The following BMPR1B variants were observed in gnomAD, a reference collection of about 807,000 sequenced individuals.
BMPR1B encodes the protein bone morphogenetic protein receptor type 1B.
Under a neutral mutation model 59.1 loss-of-function variants are expected in BMPR1B, and 12 were observed. That is an observed-to-expected ratio of 0.20 (90% confidence interval 0.13 to 0.33). The LOEUF is 0.33. BMPR1B is among the 10% of genes least tolerant of loss of function. The pLI is 1.00. For missense variants in BMPR1B, 550 were observed against 610.9 expected, an observed-to-expected ratio of 0.90 and a Z score of 1.05; for synonymous variants, 237 against 207.3, an observed-to-expected ratio of 1.14 and a Z score of -1.23.
At chr4:94,792,518 G>T (rs1340465960) in intron 1 of BMPR1B, among the ~76,000 whole-genome samples, 7 of 151,388 alleles carry the variant, frequency 4.6e-5, no homozygotes, top group African/African-American at 1.7e-4. Flanking sequence ...GCTTTTTTTA[G>T]TACTTTGATT....
chr4:95,011,319 A>G (rs1420578711), intron 3 of BMPR1B, among the ~76,000 whole-genome samples: 1 of 152,180 alleles, frequency 6.6e-6, no homozygotes, highest in African/African-American at 2.4e-5. Context: ...GAGAACATAC[A>G]GTATTTGGTT....
At chr4:95,084,193 T>C (rs1255594405) in intron 3 of BMPR1B, among the ~76,000 whole-genome samples, 1 of 151,412 alleles carries the variant, frequency 6.6e-6, no homozygotes, top group Non-Finnish European at 1.5e-5. Context: ...ATCTAACTTA[T>C]GATATATATC....
intron 3 of BMPR1B, among the ~76,000 whole-genome samples, chr4:95,055,281 T>G (rs915176969): frequency 2.0e-5 from 3 of 152,178 alleles, no homozygotes; most frequent in African/African-American, 7.2e-5. Flanking sequence ...AAATAGGTTA[T>G]ACATTTTTTT....
chr4:94,840,749 T>G (rs1217434047), intron 1 of BMPR1B, among the ~76,000 whole-genome samples: 1 of 148,554 alleles, frequency 6.7e-6, no homozygotes, highest in East Asian at 1.9e-4. Context: ...GTCTGAAGCC[T>G]TCTTCTCTCA....
Position 94,923,824 on chromosome 4 carries a change from C to T in BMPR1B, c.-113+47924C>T, listed in dbSNP as rs17022591. On this transcript the variant is annotated intron_variant, in intron 2 of 12. Coordinates refer to ENST00000515059, the MANE Select transcript of BMPR1B (RefSeq NM_001203.3). ...TGTTCTAGATTAGATGATCTTTCGG[C>T]TCAAAGATAATTTGGGTTCTAGATC... is the stretch of plus-strand genomic sequence containing the variant. Among the ~76,000 whole-genome samples the T allele has an allele frequency of 6.8e-3, 1,034 of 152,152 alleles. 14 individuals are homozygous for T. Among genetic ancestry groups the T allele is most frequent in the African/African-American group, 0.023 (945 of 41,510 alleles).
At chr4:95,071,846 C>G (rs188723346) in intron 3 of BMPR1B, among the ~76,000 whole-genome samples, 4 of 151,454 alleles carry the variant, frequency 2.6e-5, no homozygotes, top group African/African-American at 9.7e-5. Context: ...TTTAAAATGC[C>G]TGGTTATTTA....
intron 1 of BMPR1B, among the ~76,000 whole-genome samples, chr4:94,845,087 G>T (rs1725265024): frequency 1.1e-5 from 1 of 91,568 alleles, no homozygotes; most frequent in Admixed American, 8.7e-5. Flanking sequence ...AACACTAAAA[G>T]ATGAAAAAAA....
In BMPR1B at chr4:95,148,870, T is replaced by A; in HGVS notation, c.1199T>A (p.Met400Lys). ...TTCCAGTCTTACATCATGGCTGACA[T>A]GTATAGTTTTGGCCTCATCCTTTGG... ...NHFQSYIMAD[M>K]YSFGLILWEV... is the part of the protein sequence containing the mutation. The change falls in exon 11 of 13, where the codon ATG (methionine) becomes AAG (lysine). Residue 400 changes from methionine (M) to lysine (K), a missense_variant. By Grantham distance (95) the Met-to-Lys change is moderately conservative. This residue lies in a region of BMPR1B where 123 missense variants were observed against 164.6 expected (regional missense o/e 0.75). Coordinates refer to ENST00000515059, the MANE Select transcript of BMPR1B (RefSeq NM_001203.3). The A allele has an allele frequency of 6.2e-7, 1 of 1,614,002 alleles. No individual in the cohort carries two copies. The highest frequency in any genetic ancestry group is 8.5e-7 in the Non-Finnish European group (1 of 1,179,924).
At chr4:94,951,154 C>G (rs1222462482) in intron 2 of BMPR1B, among the ~76,000 whole-genome samples, 1 of 152,188 alleles carries the variant, frequency 6.6e-6, no homozygotes, top group Non-Finnish European at 1.5e-5. Flanking sequence ...AGTTGCTTAT[C>G]AGCTTAAGGA....
At chr4:95,059,544 A>C (rs1727190554) in intron 3 of BMPR1B, among the ~76,000 whole-genome samples, 1 of 152,126 alleles carries the variant, frequency 6.6e-6, no homozygotes. Flanking sequence ...GATTTTATGC[A>C]TATATACCAA....
rs978472184 is a variant in BMPR1B, at chr4:95,131,433, C to G, written c.997C>G (p.Leu333Val). Residue 333 changes from leucine to valine, a missense_variant, in exon 10 of 13, where the codon CTG becomes GTG. Transcript: ENST00000515059. ...CAAACCAGCAATTGCCCATCGAGAT[C>G]TGAAAAGTAAAAACATTCTGGTGAA... ...QGKPAIAHRD[L>V]KSKNILVKKN... The G allele has an allele frequency of 2.5e-5, 40 of 1,613,926 alleles. No individual in the cohort carries two copies. The highest frequency in any genetic ancestry group is 3.2e-5 in the Non-Finnish European group (38 of 1,180,000).
intron 1 of BMPR1B, among the ~76,000 whole-genome samples, chr4:94,787,836 A>C (rs2036758): frequency 0.41 from 61,578 of 151,986 alleles, 13,687 homozygotes; most frequent in East Asian, 0.67. Context: ...TCCTTTGACC[A>C]AGGGACCTAT....
intron 3 of BMPR1B, among the ~76,000 whole-genome samples, chr4:95,076,145 A>C (rs1728691367): frequency 6.6e-6 from 1 of 152,092 alleles, no homozygotes; most frequent in Non-Finnish European, 1.5e-5. Context: ...TACAACCCTC[A>C]TTTCACTGTA....
chr4:94,793,571 T>C (rs1723065305), intron 1 of BMPR1B, among the ~76,000 whole-genome samples: 2 of 148,280 alleles, frequency 1.3e-5, no homozygotes, highest in Admixed American at 6.7e-5. Flanking sequence ...TTTCCAGTTC[T>C]AGATCCCTGA....
At chr4:94,946,642 G>A (rs953969652) in intron 2 of BMPR1B, among the ~76,000 whole-genome samples, 3 of 152,122 alleles carry the variant, frequency 2.0e-5, no homozygotes, top group African/African-American at 4.8e-5. Flanking sequence ...GGCCTTAATC[G>A]CTAAATTAGT....
intron 1 of BMPR1B, among the ~76,000 whole-genome samples, chr4:94,842,321 G>C (rs6858143): frequency 0.63 from 95,749 of 151,864 alleles, 31,608 homozygotes; most frequent in African/African-American, 0.84. Flanking sequence ...AAATCTTAAC[G>C]TACTGGAGTT....
chr4:94,843,912 G>C (rs1014406056), intron 1 of BMPR1B, among the ~76,000 whole-genome samples: 3 of 152,090 alleles, frequency 2.0e-5, no homozygotes, highest in African/African-American at 4.8e-5. Context: ...TGGGGCTGCA[G>C]CTCTAAACCA....
At chr4:94,808,816 G>T (rs1020055544) in intron 1 of BMPR1B, among the ~76,000 whole-genome samples, 6 of 152,138 alleles carry the variant, frequency 3.9e-5, no homozygotes, top group African/African-American at 1.4e-4. Flanking sequence ...CAGCACTTTG[G>T]GAGGCCAAGG....
intron 1 of BMPR1B, among the ~76,000 whole-genome samples, chr4:94,819,694 A>G (rs934512769): frequency 1.3e-5 from 2 of 152,154 alleles, no homozygotes; most frequent in African/African-American, 4.8e-5. Flanking sequence ...TTGCACTCTA[A>G]TCTGAACACT....
Sources: gnomAD v4.1 joint callset for allele counts (sites outside exome capture counted in the v4.1 genomes callset) on GRCh38, gnomAD v4.1.1 for gene constraint, gnomAD v4.1.1 regional missense constraint, MANE v1.5 for transcripts, NCBI Gene and HGNC (gene_info 2026-07-23, HGNC 2026-07-21) for gene names.